CPXM2: variants seen among roughly 807,000 people sequenced by gnomAD.
The protein encoded by CPXM2 is carboxypeptidase X, M14 family member 2, also known as inactive carboxypeptidase-like protein X2.
Under a neutral mutation model 86.1 loss-of-function variants are expected in CPXM2, and 66 were observed. That is an observed-to-expected ratio of 0.77 (90% CI 0.63 to 0.94). The LOEUF (loss-of-function observed/expected upper bound fraction) is 0.94. CPXM2 is among the 40% of genes least tolerant of loss of function. The pLI, the probability that CPXM2 is intolerant of heterozygous loss-of-function variation, is 0.00. For missense variants in CPXM2, 948 were observed against 1,026.3 expected (o/e 0.92, Z 1.04); for synonymous variants, 388 against 400.2 (o/e 0.97, Z 0.36).
rs149962071 is a variant in CPXM2, at chr10:123,760,089, G to A, written c.1777+1783C>T. Among the ~76,000 whole-genome samples the A allele has an allele frequency of 1.2e-3, 176 of 152,270 alleles. 2 individuals carry two copies. The highest frequency in any genetic ancestry group is 3.9e-3 in the African/African-American group (163 of 41,548). The stretch of plus-strand genomic sequence containing the variant: ...AATGATTAAAAAGGCTCAAGCTACC[G>A]CATGGCTCTGCCGTGAAGTCCCAGA... On this transcript the variant is annotated intron_variant, in intron 11 of 13. Transcript: ENST00000241305.
chr10:123,939,573 G>C (rs1945755888), intron 1 of CPXM2: 1 of 152,204 alleles, frequency 6.6e-6, no homozygotes, highest in Non-Finnish European at 1.5e-5. Flanking sequence ...CTAATATACA[G>C]GGTCATTGGG....
chr10:123,927,977 A>T (rs999647254), intron 2 of CPXM2, among the ~76,000 whole-genome samples: 1 of 151,904 alleles, frequency 6.6e-6, no homozygotes, highest in African/African-American at 2.4e-5. Flanking sequence ...GGACTAACAC[A>T]CTCAACTGTG....
rs764423566 is a variant in CPXM2, at chr10:123,754,686, C to G, written c.1994G>C (p.Gly665Ala). The G allele has an allele frequency of 1.0e-4, 168 of 1,600,154 alleles. No individual in the cohort carries two copies. In the Admixed American group the frequency reaches 2.7e-3, roughly 25 times the overall value. Reference sequence around the variant, plus strand: ...ACCTGTTCGGATGTCATGGTTAATGCCTTCTACGGAGATAATGGCGTTTGG... The same window carrying G: ...ACCTGTTCGGATGTCATGGTTAATGGCTTCTACGGAGATAATGGCGTTTGG... Reference protein sequence around the residue: ...GIPNAIISVEGINHDIRTAND... With the variant: ...GIPNAIISVEAINHDIRTAND... Residue 665 changes from glycine to alanine, a missense_variant, in exon 13 of 14, where the codon GGC becomes GCC. Gly to Ala is a moderately conservative substitution (Grantham distance 60). Transcript: ENST00000241305. The surrounding 1 kb of genome is among the most constrained non-coding windows in gnomAD (Gnocchi z 4.0).
chr10:123,901,945 A>G (rs1308039120), intron 2 of CPXM2, among the ~76,000 whole-genome samples: 2 of 152,222 alleles, frequency 1.3e-5, no homozygotes, highest in Non-Finnish European at 2.9e-5. Flanking sequence ...CCTGAATTGC[A>G]AACTGTTCAC....
At chr10:123,817,093 A>T (rs772753560) in intron 4 of CPXM2, among the ~76,000 whole-genome samples, 6 of 152,232 alleles carry the variant, frequency 3.9e-5, no homozygotes, top group South Asian at 2.1e-4. Flanking sequence ...ACCAAGAAAG[A>T]GGCACAATGC....
At chr10:123,785,358 G>A (rs991798416) in intron 6 of CPXM2, among the ~76,000 whole-genome samples, 3 of 152,038 alleles carry the variant, frequency 2.0e-5, no homozygotes, top group African/African-American at 4.8e-5. Flanking sequence ...TCACTGCCCC[G>A]GTTTCCTCCT....
chr10:123,890,697 AG>A (rs1945251888), intron 1 of CPXM2, among the ~76,000 whole-genome samples: 1 of 152,236 alleles, frequency 6.6e-6, no homozygotes. Context: ...CAGAAACTGA[AG>A]ATGGATTTGA....
chr10:123,761,486 G>A lies in CPXM2; in HGVS notation c.1777+386C>T, dbSNP rs190134205. Among the ~76,000 whole-genome samples, 430 of 152,280 alleles carry A rather than the reference G, an allele frequency of 2.8e-3. 1 individual carries two copies. Among genetic ancestry groups the A allele is most frequent in the Admixed American group, 7.3e-3 (112 of 15,306 alleles). On this transcript the variant is annotated intron_variant, in intron 11 of 13. Coordinates refer to ENST00000241305, the MANE Select transcript of CPXM2 (RefSeq NM_198148.3). ...AGCATGCTCTCCACCCCTTCACTGG[G>A]TTGGGGTTTCTTTTTGTTGTTGTCC...
intron 3 of CPXM2, among the ~76,000 whole-genome samples, chr10:123,842,887 G>C (rs1402570488): frequency 6.6e-6 from 1 of 152,200 alleles, no homozygotes; most frequent in East Asian, 1.9e-4. Flanking sequence ...GAAAATAGAT[G>C]AATTAGAACA....
intron 4 of CPXM2, among the ~76,000 whole-genome samples, chr10:123,829,222 A>C (rs1046371067): frequency 6.6e-6 from 1 of 152,252 alleles, no homozygotes; most frequent in African/African-American, 2.4e-5. Flanking sequence ...TGATAAGATT[A>C]AATGCTGGTG....
At chr10:123,779,144 T>C (rs1390218951) in intron 7 of CPXM2, among the ~76,000 whole-genome samples, 1 of 152,250 alleles carries the variant, frequency 6.6e-6, no homozygotes, top group Non-Finnish European at 1.5e-5. Flanking sequence ...TGAATCCTTG[T>C]TCTGTAAATG....
intron 4 of CPXM2, 70 bp downstream of exon 4, chr10:123,842,277 CTG>C: frequency 1.9e-6 from 3 of 1,584,034 alleles, no homozygotes; most frequent in Non-Finnish European, 2.6e-6. Flanking sequence ...ACTTCCAGAC[CTG>C]TGTCTGTCCA....
chr10:123,780,293 A>G, intron 6 of CPXM2, 38 bp from the exon 7 acceptor site: 2 of 1,243,944 alleles, frequency 1.6e-6, no homozygotes, highest in Non-Finnish European at 2.4e-6. Context: ...TACTCCCATC[A>G]TTCTATCTCC....
At chr10:123,782,113 C>T (rs769212060) in intron 6 of CPXM2, among the ~76,000 whole-genome samples, 6 of 152,232 alleles carry the variant, frequency 3.9e-5, no homozygotes, top group Non-Finnish European at 1.5e-5. Context: ...AAAGTCATTC[C>T]GGCTTAGCCA....
intron 6 of CPXM2, among the ~76,000 whole-genome samples, chr10:123,794,468 C>G (rs1451865789): frequency 6.6e-6 from 1 of 152,164 alleles, no homozygotes; most frequent in Non-Finnish European, 1.5e-5. Flanking sequence ...TTTTAAGAAC[C>G]AGGCAGCATG....
In CPXM2 at chr10:123,886,168, G is replaced by A. The variant is rs551508514; in HGVS notation, c.304+5188C>T. Among the ~76,000 whole-genome samples the A allele has an allele frequency of 5.3e-5, 8 of 152,324 alleles. No homozygotes were observed. The East Asian group carries it at 1.5e-3, about 29-fold the overall frequency. On this transcript the variant is annotated intron_variant, in intron 1 of 13. Transcript: ENST00000241305. ...AAACACTTTGGATTTAACTCTTAAA[G>A]TAAGCATATAATTTGACATGAAGGA...
chr10:123,935,511 A>G (rs1945707378), intron 2 of CPXM2, among the ~76,000 whole-genome samples: 2 of 152,182 alleles, frequency 1.3e-5, no homozygotes, highest in Non-Finnish European at 2.9e-5. Context: ...ATGGCCCAGA[A>G]ACTGGGGACA....
intron 3 of CPXM2, among the ~76,000 whole-genome samples, chr10:123,851,937 C>A (rs1444695144): frequency 2.6e-5 from 4 of 152,038 alleles, no homozygotes; most frequent in Non-Finnish European, 4.4e-5. Flanking sequence ...TGGAAGAAGC[C>A]TGAGGTACCA....
chr10:123,933,429 CA>C (rs1945685560), intron 2 of CPXM2, among the ~76,000 whole-genome samples: 1 of 152,144 alleles, frequency 6.6e-6, no homozygotes, highest in Non-Finnish European at 1.5e-5. Flanking sequence ...CTTTAAGAAT[CA>C]AAAACAGGCT....
Sources: allele counts gnomAD v4.1 joint callset (sites outside exome capture counted in the v4.1 genomes callset), GRCh38; gene constraint gnomAD v4.1.1; non-coding constraint Gnocchi (gnomAD v3.1); transcripts MANE v1.5; gene names NCBI Gene and HGNC (gene_info 2026-07-23, HGNC 2026-07-21).